ANKHD1: variants seen among roughly 807,000 people sequenced by gnomAD.
The protein encoded by ANKHD1 is ankyrin repeat and KH domain-containing protein 1.
A neutral mutation model predicts 230.5 loss-of-function variants in ANKHD1; 31 were observed. The observed-to-expected ratio is 0.13, with a 90% confidence interval of 0.10 to 0.18. The LOEUF (loss-of-function observed/expected upper bound fraction) is 0.18, where lower values mean the gene tolerates loss of function less well. ANKHD1 is among the 10% of genes least tolerant of loss of function. ANKHD1 has a pLI of 1.00. For synonymous variants in ANKHD1, 1,074 were observed against 1,117.6 expected, an observed-to-expected ratio of 0.96 and a Z score of 0.78; for missense variants, 2,256 against 3,071.3, an observed-to-expected ratio of 0.73 and a Z score of 6.27.
chr5:140,535,263 G>A, intron 29 of ANKHD1, 99 bp from the exon 30 acceptor site: 1 of 1,470,450 alleles, frequency 6.8e-7, no homozygotes, highest in Non-Finnish European at 9.1e-7. Flanking sequence ...TTATTTGTTT[G>A]GTTATTTTTA....
chr5:140,484,225 GA>G (rs911810203), intron 11 of ANKHD1, among the ~76,000 whole-genome samples: 3 of 152,166 alleles, frequency 2.0e-5, no homozygotes, highest in Admixed American at 6.5e-5. Flanking sequence ...TCTTAAATAA[GA>G]TAGGTAGAAT....
chr5:140,417,862 A>C (rs1290310736), intron 1 of ANKHD1, among the ~76,000 whole-genome samples: 2 of 124,730 alleles, frequency 1.6e-5, no homozygotes, highest in African/African-American at 3.0e-5. Context: ...TTTGAGACAG[A>C]GTCTCGCTCT....
At chr5:140,465,442 C>G (rs1038840307) in intron 10 of ANKHD1, among the ~76,000 whole-genome samples, 1 of 152,122 alleles carries the variant, frequency 6.6e-6, no homozygotes, top group Non-Finnish European at 1.5e-5. Flanking sequence ...AATGTTCATG[C>G]CTCTTGCTGA....
intron 10 of ANKHD1, among the ~76,000 whole-genome samples, chr5:140,473,839 TTCTCTC>T (rs1204144888): frequency 6.6e-6 from 1 of 152,192 alleles, no homozygotes; most frequent in East Asian, 1.9e-4. Context: ...TTGTAAATCT[TTCTCTC>T]TAGCTGCAAG....
intron 14 of ANKHD1, 48 bp from the exon 15 acceptor site, chr5:140,496,461 CTTTTTTTTTTT>C (rs770445733): frequency 2.1e-6 from 1 of 484,880 alleles, no homozygotes; most frequent in African/African-American, 3.4e-5. Flanking sequence ...TTTTTCTTTT[CTTTTTTTTTTT>C]TTTTTTTTTT....
At chr5:140,453,536 A>G (rs559478150) in intron 7 of ANKHD1, among the ~76,000 whole-genome samples, 2 of 152,366 alleles carry the variant, frequency 1.3e-5, no homozygotes, top group Admixed American at 1.3e-4. Flanking sequence ...TCTACAAGCC[A>G]GAAGAGAATG....
chr5:140,417,575 A>G (rs556999590), intron 1 of ANKHD1, among the ~76,000 whole-genome samples: 159 of 151,970 alleles, frequency 1.0e-3, no homozygotes, highest in African/African-American at 3.8e-3. Flanking sequence ...CGGCCTCCTA[A>G]GTATAGCTGG....
chr5:140,443,152 C>T (rs1773997857), intron 5 of ANKHD1, among the ~76,000 whole-genome samples: 1 of 151,946 alleles, frequency 6.6e-6, no homozygotes, highest in Non-Finnish European at 1.5e-5. Context: ...ATCCACCCAC[C>T]TCGGCCTCCC....
At chr5:140,445,690 T>A (rs1774227551) in intron 5 of ANKHD1, 52 bp from the exon 6 acceptor site, 3 of 1,328,614 alleles carry the variant, frequency 2.3e-6, no homozygotes, top group Admixed American at 3.2e-5. Context: ...TTATTTTTAT[T>A]TTTTAAATAT....
chr5:140,473,274 C>T (rs970120990), intron 10 of ANKHD1, among the ~76,000 whole-genome samples: 7 of 151,870 alleles, frequency 4.6e-5, no homozygotes, highest in South Asian at 2.1e-4. Flanking sequence ...GTGATCTACC[C>T]GCCTCGGCCT....
Position 140,506,710 on chromosome 5 carries a change from G to A in ANKHD1, c.3409-125G>A. The A allele has an allele frequency of 7.2e-7, 1 of 1,396,328 alleles. No homozygotes were observed. The highest frequency in any genetic ancestry group is 9.7e-7 in the Non-Finnish European group (1 of 1,033,648). 86.5% of individuals were successfully genotyped at this position (1,396,328 alleles called of 1,614,324 possible). On this transcript the variant is annotated intron_variant, in intron 18 of 33. Coordinates refer to ENST00000360839, the MANE Select transcript of ANKHD1 (RefSeq NM_017747.3). This position sits in a 1 kb window ranked among gnomAD's most constrained non-coding sequence, Gnocchi z 4.7. ...GATATTTCAATATTTAGGGTCTAAT[G>A]AAATGTAATTAAAATATCAGATATT...
At chr5:140,514,990 G>A (rs1373961492) in intron 24 of ANKHD1, among the ~76,000 whole-genome samples, 1 of 121,500 alleles carries the variant, frequency 8.2e-6, no homozygotes, top group Non-Finnish European at 1.8e-5. Flanking sequence ...AAAAAAAAAA[G>A]GTCCTGTCTG....
intron 6 of ANKHD1, among the ~76,000 whole-genome samples, chr5:140,446,970 T>C (rs113739261): frequency 0.026 from 3,925 of 152,132 alleles, 166 homozygotes; most frequent in African/African-American, 0.088. Flanking sequence ...AGTGCAATGG[T>C]GTGATCTTGG....
At chr5:140,486,191 A>G (rs1419043368) in intron 13 of ANKHD1, 2 of 175,532 alleles carry the variant, frequency 1.1e-5, no homozygotes, top group Non-Finnish European at 2.3e-5. Flanking sequence ...TAGTCTCCCA[A>G]GTAGCTGGGA....
At position 140,464,782 on chromosome 5, in the gene ANKHD1, A is replaced by T. The variant is rs1465789764; in HGVS notation, c.1782+6A>T. 6.3e-6 allele frequency: 10 copies of T among 1,585,080 alleles called. No individual in the cohort carries two copies. The highest frequency in any genetic ancestry group is 6.9e-6 in the Non-Finnish European group (8 of 1,163,470). Reference sequence around the variant, plus strand: ...TTCAAGCAGGGGCTGATTTAGTAAGATATTTTTAATTTCAAATATTTTTGC... The same window carrying T: ...TTCAAGCAGGGGCTGATTTAGTAAGTTATTTTTAATTTCAAATATTTTTGC... On this transcript the variant is annotated splice_donor_region_variant and intron_variant, in intron 10 of 33. Transcript: ENST00000360839.
Position 140,496,662 on chromosome 5 carries a change from T to C in ANKHD1, c.2388T>C (p.Ile796=). The change falls in exon 15 of 34, where the codon ATT becomes ATC. Residue 796 remains isoleucine, a synonymous_variant. Transcript: ENST00000360839. ...AACTGGGACAAAGAATTAGTGCTAT[T>C]GAAAAAGCACAGCTTAAGTCACTGG... is the stretch of plus-strand genomic sequence containing the variant. ...LNELGQRISA[I]EKAQLKSLEL... is the part of the protein sequence containing the mutation. 6.2e-7 allele frequency: 1 copy of C among 1,613,818 alleles called. No individual in the cohort carries two copies. The highest frequency in any genetic ancestry group is 1.3e-5 in the African/African-American group (1 of 74,938).
intron 7 of ANKHD1, among the ~76,000 whole-genome samples, chr5:140,452,099 A>G (rs1443778963): frequency 1.3e-5 from 2 of 152,176 alleles, no homozygotes; most frequent in East Asian, 3.9e-4. Context: ...AAAGGGTCCC[A>G]CACCCACGGA....
At chr5:140,459,110 A>G (rs1001237168) in intron 8 of ANKHD1, 54 bp from the exon 9 acceptor site, 11 of 1,363,314 alleles carry the variant, frequency 8.1e-6, no homozygotes, top group Admixed American at 3.1e-5. Context: ...GAAAATTAAT[A>G]TCTTTATTAT....
intron 15 of ANKHD1, among the ~76,000 whole-genome samples, chr5:140,502,670 T>C (rs1408336871): frequency 6.6e-6 from 1 of 152,198 alleles, no homozygotes; most frequent in African/African-American, 2.4e-5. Context: ...GTCTTGTTTT[T>C]TCAAGCAGTT....
Sources: allele counts gnomAD v4.1 joint callset (sites outside exome capture counted in the v4.1 genomes callset), GRCh38; gene constraint gnomAD v4.1.1; non-coding constraint Gnocchi (gnomAD v3.1); transcripts MANE v1.5; gene names NCBI Gene and HGNC (gene_info 2026-07-23, HGNC 2026-07-21).